LANCL3: variants seen among roughly 807,000 people sequenced by gnomAD.
The protein encoded by LANCL3 is LanC like family member 3, also known as lanC-like protein 3.
A neutral mutation model predicts 26.5 loss-of-function variants in LANCL3; 19 were observed. The ratio of observed to expected loss-of-function variants is 0.72; its 90% confidence interval spans 0.50 to 1.05. The LOEUF (loss-of-function observed/expected upper bound fraction) is 1.05. Among genes scored for constraint, LANCL3 ranks in the 50% least tolerant of loss-of-function variants. The pLI is 0.00. For synonymous variants in LANCL3, 160 were observed against 166.6 expected, an observed-to-expected ratio of 0.96 and a Z score of 0.30; for missense variants, 318 against 362.7, an observed-to-expected ratio of 0.88 and a Z score of 1.00.
At chrX:37,639,616 A>G (rs781865367) in intron 1 of LANCL3, among the ~76,000 whole-genome samples, 108 of 111,478 alleles carry the variant, frequency 9.7e-4, no homozygotes, top group Non-Finnish European at 1.6e-3. Context: ...CAGCTATGCT[A>G]CATGAACCAC....
At chrX:37,583,248 C>T (rs1923955136) in intron 1 of LANCL3, among the ~76,000 whole-genome samples, 2 of 111,794 alleles carry the variant, frequency 1.8e-5, no homozygotes, top group African/African-American at 3.3e-5. Context: ...AGTCAGGTAG[C>T]GTGATGCCTC....
chrX:37,572,718 T>C (rs1483747238), intron 1 of LANCL3, among the ~76,000 whole-genome samples: 1 of 112,516 alleles, frequency 8.9e-6, no homozygotes, highest in Non-Finnish European at 1.9e-5. Flanking sequence ...GTTAGCTTTC[T>C]GGGGGATGAC....
At chrX:37,667,517 T>G in intron 4 of LANCL3, 28 bp downstream of exon 4, 1 of 973,836 alleles carries the variant, frequency 1.0e-6, no homozygotes, top group Non-Finnish European at 1.3e-6. Flanking sequence ...GGTCTTTTTT[T>G]TTTTCAAAAT....
rs1278098352 is a variant in LANCL3 at position 37,677,820 on chromosome X, T to C, written c.*2007T>C. 9 of 112,377 alleles carry C rather than the reference T, an allele frequency of 8.0e-5. No homozygotes were observed. The highest frequency in any genetic ancestry group is 3.8e-5 in the Non-Finnish European group (2 of 53,143). The allele number at this position is 112,377 out of a possible 1,213,427, so 9.3% of individuals were successfully genotyped here. ...AACCCAGGGTTTCACTTTCTAAGTT[T>C]ATTTATTCAGTATTCTAGACTAGAA... On this transcript the variant is annotated 3_prime_UTR_variant, in exon 5 of 5. Transcript: ENST00000378619.
chrX:37,617,064 A>C (rs1472098622), intron 1 of LANCL3, among the ~76,000 whole-genome samples: 2 of 108,887 alleles, frequency 1.8e-5, no homozygotes, highest in African/African-American at 6.7e-5. Flanking sequence ...GAATGTGAAT[A>C]ATCAAATCTG....
intron 1 of LANCL3, among the ~76,000 whole-genome samples, chrX:37,608,490 A>G (rs1556420784): frequency 8.9e-6 from 1 of 112,024 alleles, no homozygotes; most frequent in Non-Finnish European, 1.9e-5. Flanking sequence ...GCGGGAAAAT[A>G]AGAATAAATG....
At chrX:37,595,896 G>A (rs1172799368) in intron 1 of LANCL3, among the ~76,000 whole-genome samples, 2 of 111,619 alleles carry the variant, frequency 1.8e-5, no homozygotes, top group Admixed American at 1.9e-4. Flanking sequence ...CACTTTTCCT[G>A]TAAAGAAGAA....
chrX:37,576,631 G>T (rs1325532588), intron 1 of LANCL3, among the ~76,000 whole-genome samples: 2 of 111,447 alleles, frequency 1.8e-5, no homozygotes, highest in Non-Finnish European at 3.8e-5. Flanking sequence ...ATGGTGTGAG[G>T]CAACTTACTA....
intron 1 of LANCL3, among the ~76,000 whole-genome samples, chrX:37,646,339 T>A (rs967222629): frequency 2.7e-5 from 3 of 112,006 alleles, no homozygotes; most frequent in South Asian, 3.7e-4. Flanking sequence ...ACTGTAAGAG[T>A]GCTCATGATG....
intron 1 of LANCL3, among the ~76,000 whole-genome samples, chrX:37,649,054 C>G (rs1926059083): frequency 1.8e-5 from 2 of 111,598 alleles, no homozygotes; most frequent in South Asian, 7.5e-4. Context: ...GGTGATTCCT[C>G]AGGGATCTAG....
At chrX:37,605,489 A>G (rs1255939987) in intron 1 of LANCL3, among the ~76,000 whole-genome samples, 1 of 110,506 alleles carries the variant, frequency 9.0e-6, no homozygotes, top group Non-Finnish European at 1.9e-5. Context: ...TAGTTATCCT[A>G]CTCTTATTTT....
intron 4 of LANCL3, among the ~76,000 whole-genome samples, chrX:37,670,177 G>C (rs952792952): frequency 9.0e-6 from 1 of 111,534 alleles, no homozygotes; most frequent in South Asian, 3.7e-4. Flanking sequence ...GTATTTCTTG[G>C]TCTATAAATA....
intron 3 of LANCL3, among the ~76,000 whole-genome samples, chrX:37,661,774 C>A (rs1926427442): frequency 1.8e-5 from 2 of 112,307 alleles, no homozygotes; most frequent in South Asian, 7.4e-4. Context: ...CAGACTAATT[C>A]TGTGATTAAA....
chrX:37,595,302 C>G (rs1317034554), intron 1 of LANCL3, among the ~76,000 whole-genome samples: 2 of 111,861 alleles, frequency 1.8e-5, no homozygotes, highest in Admixed American at 1.9e-4. Flanking sequence ...TTTATGAAAC[C>G]AAATAACCCC....
intron 1 of LANCL3, among the ~76,000 whole-genome samples, chrX:37,637,250 G>T (rs1822772884): frequency 8.9e-6 from 1 of 111,923 alleles, no homozygotes; most frequent in African/African-American, 3.2e-5. Flanking sequence ...AGACAATATG[G>T]ATTCCTATAG....
chrX:37,572,451 G>A lies in LANCL3; in HGVS notation c.573+8G>A, dbSNP rs1556415843. ...CAGAAACTCGCCCAGGAGGTAAGAG[G>A]TAGCCCGGGCCGCGGGAGGGCGCTC... On this transcript the variant is annotated splice_region_variant and intron_variant, in intron 1 of 4. Transcript: ENST00000378619. 8.6e-7 allele frequency: 1 copy of A among 1,166,419 alleles called. No individual in the cohort carries two copies. Among genetic ancestry groups the A allele is most frequent in the Admixed American group, 2.5e-5 (1 of 39,326 alleles).
chrX:37,611,358 G>A (rs782205480), intron 1 of LANCL3, among the ~76,000 whole-genome samples: 5 of 111,225 alleles, frequency 4.5e-5, no homozygotes, highest in East Asian at 2.8e-4. Context: ...CCTCTGCTCC[G>A]TGGCTGTGGT....
In LANCL3 at chrX:37,572,072, G is replaced by C. The variant is rs782664310; in HGVS notation, c.202G>C (p.Gly68Arg). 1 of 1,176,678 alleles carries C rather than the reference G, an allele frequency of 8.5e-7. No homozygotes were observed. Among genetic ancestry groups the C allele is most frequent in the Non-Finnish European group, 1.1e-6 (1 of 880,690 alleles). The change falls in exon 1 of 5, where the codon GGC becomes CGC. Residue 68 changes from glycine (G) to arginine (R), a missense_variant. Physicochemically the swap from Gly to Arg is moderately radical, Grantham distance 125. Transcript: ENST00000378619. ...CGCCTGCCAGGGGGGGCTTTATGGC[G>C]GCGTGGCCGGAGTGGCGTATATGCT... ...ASACQGGLYG[G>R]VAGVAYMLYH...
intron 1 of LANCL3, among the ~76,000 whole-genome samples, chrX:37,651,937 C>T (rs1161067144): frequency 1.9e-5 from 2 of 107,140 alleles, no homozygotes; most frequent in Non-Finnish European, 3.8e-5. Flanking sequence ...TTCTCCATCA[C>T]AGCCCCTGCT....
Sources: allele counts gnomAD v4.1 joint callset (sites outside exome capture counted in the v4.1 genomes callset), GRCh38; gene constraint gnomAD v4.1.1; transcripts MANE v1.5; gene names NCBI Gene and HGNC (gene_info 2026-07-23, HGNC 2026-07-21).